Variants in FRMD5 observed in about 807,000 individuals in gnomAD.
FRMD5 encodes the protein FERM domain containing 5, also known as FERM domain-containing protein 5.
Under a neutral mutation model 69.0 loss-of-function variants are expected in FRMD5, and 20 were observed. That is an observed-to-expected ratio of 0.29 (90% CI 0.20 to 0.42). The LOEUF (loss-of-function observed/expected upper bound fraction) is 0.42, where lower values mean the gene tolerates loss of function less well. Among genes scored for constraint, FRMD5 ranks in the 10% least tolerant of loss-of-function variants. The pLI is 1.00. For synonymous variants in FRMD5, 271 were observed against 260.1 expected, an observed-to-expected ratio of 1.04 and a Z score of -0.40; for missense variants, 595 against 708.6, an observed-to-expected ratio of 0.84 and a Z score of 1.82.
intron 1 of FRMD5, among the ~76,000 whole-genome samples, chr15:44,109,414 G>A (rs1282090654): frequency 2.0e-5 from 3 of 152,048 alleles, no homozygotes; most frequent in Admixed American, 6.5e-5. Context: ...CTTCTGGTTT[G>A]CAAGGTTTCT....
intron 1 of FRMD5, among the ~76,000 whole-genome samples, chr15:43,994,567 A>G (rs778657751): frequency 7.9e-5 from 12 of 152,270 alleles, no homozygotes; most frequent in Non-Finnish European, 1.3e-4. Context: ...CGTAGCTGGT[A>G]CTACAGGCAC....
intron 1 of FRMD5, among the ~76,000 whole-genome samples, chr15:43,951,612 C>T (rs1218991580): frequency 6.6e-6 from 1 of 152,148 alleles, no homozygotes; most frequent in Non-Finnish European, 1.5e-5. Context: ...ATTCCCCACA[C>T]ACCAGATAAT....
At chr15:43,971,303 A>G (rs1039652088) in intron 1 of FRMD5, among the ~76,000 whole-genome samples, 1 of 152,134 alleles carries the variant, frequency 6.6e-6, no homozygotes, top group Non-Finnish European at 1.5e-5. Flanking sequence ...TTCAAGGTGA[A>G]GAGAAGATCA....
intron 1 of FRMD5, among the ~76,000 whole-genome samples, chr15:43,935,166 C>T (rs927947733): frequency 6.6e-6 from 1 of 152,198 alleles, no homozygotes; most frequent in African/African-American, 2.4e-5. Flanking sequence ...TGAGCAGCAA[C>T]AGATGTCTTT....
At position 43,873,703 on chromosome 15, in the gene FRMD5, C is replaced by T. The variant is rs1206355192; in HGVS notation, c.*182G>A. On this transcript the variant is annotated 3_prime_UTR_variant, in exon 14 of 14. Transcript: ENST00000417257. The stretch of plus-strand genomic sequence containing the variant: ...AATGAGTTTTCCCAGTTTGTTTAGA[C>T]AGGGCATGAGCCTATCCCTTTCTTC... The T allele has an allele frequency of 1.3e-6, 2 of 1,510,310 alleles. No individual in the cohort carries two copies. The highest frequency in any genetic ancestry group is 1.8e-6 in the Non-Finnish European group (2 of 1,138,572). 93.6% of individuals were successfully genotyped at this position (1,510,310 alleles called of 1,614,324 possible).
chr15:44,147,166 T>C (rs1417405519), intron 1 of FRMD5, among the ~76,000 whole-genome samples: 1 of 152,210 alleles, frequency 6.6e-6, no homozygotes, highest in African/African-American at 2.4e-5. Context: ...AATTTTTGTA[T>C]AAGGTGTAAG....
At chr15:44,112,358 T>C (rs1476060125) in intron 1 of FRMD5, among the ~76,000 whole-genome samples, 3 of 152,188 alleles carry the variant, frequency 2.0e-5, no homozygotes, top group Non-Finnish European at 4.4e-5. Context: ...CTCCTTATAT[T>C]ATTTGTGTAC....
intron 1 of FRMD5, among the ~76,000 whole-genome samples, chr15:43,953,478 T>C (rs900104641): frequency 6.6e-6 from 1 of 152,210 alleles, no homozygotes; most frequent in African/African-American, 2.4e-5. Context: ...GAAGGCTTGG[T>C]CAGATAGCAA....
At chr15:43,960,343 G>A (rs1363577358) in intron 1 of FRMD5, among the ~76,000 whole-genome samples, 2 of 152,144 alleles carry the variant, frequency 1.3e-5, no homozygotes, top group Admixed American at 6.5e-5. Context: ...TCTGCCTCCC[G>A]GGTTCATGCC....
At position 43,963,411 on chromosome 15, in the gene FRMD5, G is replaced by A. The variant is rs2090237601; in HGVS notation, c.103-39102C>T. ...TCATTAAAAAGTCAGGAAACAACAG[G>A]TGCTGGAGAGGATGTGGAGAAATAG... On this transcript the variant is annotated intron_variant, in intron 1 of 13. Coordinates refer to ENST00000417257, the MANE Select transcript of FRMD5 (RefSeq NM_032892.5). Among the ~76,000 whole-genome samples the A allele has an allele frequency of 2.0e-5, 3 of 152,144 alleles. No homozygotes were observed. The South Asian group carries it at 6.2e-4, about 32-fold the overall frequency.
intron 1 of FRMD5, among the ~76,000 whole-genome samples, chr15:44,159,918 G>A (rs772238974): frequency 6.6e-6 from 1 of 152,136 alleles, no homozygotes; most frequent in Non-Finnish European, 1.5e-5. Context: ...AGCTTCTCTC[G>A]CAAGGTCCCG....
intron 1 of FRMD5, among the ~76,000 whole-genome samples, chr15:44,050,531 T>C (rs1317165358): frequency 7.4e-6 from 1 of 135,096 alleles, no homozygotes; most frequent in South Asian, 2.3e-4. Flanking sequence ...TGGCTCCCTT[T>C]TTTTTTTTTT....
chr15:44,023,728 T>C (rs1595636933), intron 1 of FRMD5, among the ~76,000 whole-genome samples: 1 of 152,334 alleles, frequency 6.6e-6, no homozygotes, highest in South Asian at 2.1e-4. Context: ...TTCAGTAATA[T>C]AAAATTTACA....
chr15:44,154,233 G>A (rs1287627854), intron 1 of FRMD5, among the ~76,000 whole-genome samples: 1 of 152,064 alleles, frequency 6.6e-6, no homozygotes, highest in African/African-American at 2.4e-5. Context: ...TGAGGTGGGA[G>A]GATCAATTGA....
chr15:44,081,832 A>T (rs977028542), intron 1 of FRMD5, among the ~76,000 whole-genome samples: 6 of 151,952 alleles, frequency 3.9e-5, no homozygotes, highest in African/African-American at 7.2e-5. Flanking sequence ...CTAATAATGG[A>T]AATAGTGAAA....
chr15:44,107,673 A>T (rs1319038326), intron 1 of FRMD5, among the ~76,000 whole-genome samples: 1 of 152,222 alleles, frequency 6.6e-6, no homozygotes, highest in Non-Finnish European at 1.5e-5. Flanking sequence ...TAAAATATAA[A>T]AAATGTTAAT....
At chr15:44,009,640 C>G (rs1331081247) in intron 1 of FRMD5, among the ~76,000 whole-genome samples, 1 of 152,176 alleles carries the variant, frequency 6.6e-6, no homozygotes, top group Non-Finnish European at 1.5e-5. Flanking sequence ...GATTGTGCCA[C>G]TGCACTCTAG....
intron 7 of FRMD5, among the ~76,000 whole-genome samples, chr15:43,898,632 C>T (rs145491449): frequency 1.1e-3 from 170 of 152,354 alleles, no homozygotes; most frequent in Non-Finnish European, 2.0e-3. Flanking sequence ...AGTCTCAGGG[C>T]TACCTGGATG....
At chr15:43,923,172 A>G (rs1262875901) in intron 2 of FRMD5, among the ~76,000 whole-genome samples, 3 of 152,260 alleles carry the variant, frequency 2.0e-5, no homozygotes, top group Non-Finnish European at 4.4e-5. Context: ...CCATTAACTC[A>G]CTCATGCATT....
Sources: allele counts gnomAD v4.1 joint callset (sites outside exome capture counted in the v4.1 genomes callset), GRCh38; gene constraint gnomAD v4.1.1; transcripts MANE v1.5; gene names NCBI Gene and HGNC (gene_info 2026-07-23, HGNC 2026-07-21).